The following RSRC1 variants were observed in gnomAD, a reference collection of about 807,000 sequenced individuals.
RSRC1 encodes the protein serine/Arginine-related protein 53.
In RSRC1, 39 loss-of-function variants were observed where a neutral mutation model predicts 49.1. The observed-to-expected ratio is 0.79, with a 90% CI of 0.61 to 1.04. The LOEUF is 1.04. Ranked by LOEUF, RSRC1 falls within the 50% of genes least tolerant of loss-of-function variation. The pLI, the probability that RSRC1 is intolerant of heterozygous loss-of-function variation, is 0.00. For missense variants in RSRC1, 388 were observed against 402.4 expected (o/e 0.96, Z 0.31); for synonymous variants, 143 against 130.8 (o/e 1.09, Z -0.63).
At chr3:158,394,323 G>GA (rs1051219788) in intron 6 of RSRC1, among the ~76,000 whole-genome samples, 18 of 151,356 alleles carry the variant, frequency 1.2e-4, no homozygotes, top group South Asian at 2.1e-4. Flanking sequence ...GCAAAAGAAA[G>GA]AAAAAAAAGG....
intron 4 of RSRC1, among the ~76,000 whole-genome samples, chr3:158,206,893 G>A (rs988775487): frequency 2.0e-5 from 3 of 152,102 alleles, no homozygotes; most frequent in African/African-American, 7.2e-5. Context: ...TAGCCTGGGC[G>A]ACAAAGTGAG....
intron 6 of RSRC1, among the ~76,000 whole-genome samples, chr3:158,406,367 A>C (rs2108315281): frequency 6.6e-6 from 1 of 152,248 alleles, no homozygotes; most frequent in East Asian, 1.9e-4. Context: ...TGGGAGTGTA[A>C]CTTTATATAA....
chr3:158,485,987 GAA>G (rs929700589), intron 7 of RSRC1, among the ~76,000 whole-genome samples: 1 of 152,060 alleles, frequency 6.6e-6, no homozygotes, highest in Admixed American at 6.6e-5. Context: ...AAATATGAAA[GAA>G]AAAATCATAA....
intron 6 of RSRC1, among the ~76,000 whole-genome samples, chr3:158,430,470 G>T (rs548428914): frequency 6.6e-6 from 1 of 151,898 alleles, no homozygotes; most frequent in Non-Finnish European, 1.5e-5. Flanking sequence ...TAAATTATTG[G>T]TTAAGGTGGG....
chr3:158,468,069 T>G (rs1355620266), intron 7 of RSRC1, among the ~76,000 whole-genome samples: 1 of 152,056 alleles, frequency 6.6e-6, no homozygotes, highest in Non-Finnish European at 1.5e-5. Context: ...GAGTCGCTGG[T>G]ACTACAGGTG....
At chr3:158,227,532 A>T (rs1287083894) in intron 4 of RSRC1, among the ~76,000 whole-genome samples, 1 of 152,026 alleles carries the variant, frequency 6.6e-6, no homozygotes, top group Non-Finnish European at 1.5e-5. Flanking sequence ...CACATGATAT[A>T]AAATGAATAA....
At chr3:158,393,326 A>C (rs1185631946) in intron 6 of RSRC1, among the ~76,000 whole-genome samples, 1 of 152,034 alleles carries the variant, frequency 6.6e-6, no homozygotes, top group Non-Finnish European at 1.5e-5. Context: ...TCAAAGCTGA[A>C]TTAACTGAAA....
At chr3:158,201,219 C>T (rs1721029744) in intron 3 of RSRC1, among the ~76,000 whole-genome samples, 1 of 152,072 alleles carries the variant, frequency 6.6e-6, no homozygotes, top group African/African-American at 2.4e-5. Context: ...AGGTCAGTAG[C>T]AATAATTTGT....
intron 1 of RSRC1, among the ~76,000 whole-genome samples, chr3:158,121,355 GAT>G (rs556236708): frequency 1.1e-3 from 172 of 152,014 alleles, no homozygotes; most frequent in African/African-American, 3.9e-3. Flanking sequence ...GTCTGTTATA[GAT>G]ATAATATCTA....
intron 4 of RSRC1, among the ~76,000 whole-genome samples, chr3:158,287,990 G>A (rs1015415295): frequency 1.3e-5 from 2 of 152,098 alleles, no homozygotes; most frequent in Non-Finnish European, 2.9e-5. Flanking sequence ...CTGTTTGGCC[G>A]GGGCATATGG....
intron 6 of RSRC1, among the ~76,000 whole-genome samples, chr3:158,379,435 C>T (rs978913280): frequency 2.0e-5 from 3 of 151,888 alleles, no homozygotes; most frequent in Admixed American, 1.3e-4. Context: ...CTCCTGACCT[C>T]GTGATCCGCC....
At chr3:158,465,264 A>C (rs1321960698) in intron 7 of RSRC1, among the ~76,000 whole-genome samples, 1 of 152,128 alleles carries the variant, frequency 6.6e-6, no homozygotes, top group Non-Finnish European at 1.5e-5. Context: ...CAGAATCTGG[A>C]CCAGAGCCAA....
intron 3 of RSRC1, among the ~76,000 whole-genome samples, chr3:158,186,083 G>A (rs1196313915): frequency 6.6e-6 from 1 of 151,532 alleles, no homozygotes; most frequent in Non-Finnish European, 1.5e-5. Context: ...AGAGCTATAA[G>A]GACTTAAATC....
intron 6 of RSRC1, among the ~76,000 whole-genome samples, chr3:158,364,918 TATA>T (rs1283687841): frequency 6.6e-6 from 1 of 151,294 alleles, no homozygotes; most frequent in Non-Finnish European, 1.5e-5. Flanking sequence ...GAATGGGAAT[TATA>T]ATAATGTGTA....
chr3:158,312,172 A>G (rs1578321908), intron 5 of RSRC1, among the ~76,000 whole-genome samples: 1 of 147,556 alleles, frequency 6.8e-6, no homozygotes, highest in African/African-American at 2.7e-5. Flanking sequence ...CTAACTTGAC[A>G]TGTGCAAAAG....
chr3:158,240,178 G>C (rs1413950361), intron 4 of RSRC1, among the ~76,000 whole-genome samples: 1 of 151,996 alleles, frequency 6.6e-6, no homozygotes, highest in Non-Finnish European at 1.5e-5. Context: ...GCCTATTACA[G>C]TTATTATTTT....
chr3:158,367,450 G>A (rs1005985324), intron 6 of RSRC1, among the ~76,000 whole-genome samples: 6 of 152,178 alleles, frequency 3.9e-5, no homozygotes, highest in Non-Finnish European at 7.3e-5. Context: ...ATTGATTTGA[G>A]TATGTTGAAC....
intron 5 of RSRC1, among the ~76,000 whole-genome samples, chr3:158,343,586 A>G (rs564989023): frequency 6.6e-6 from 1 of 152,338 alleles, no homozygotes; most frequent in South Asian, 2.1e-4. Context: ...TCAGAGAGCT[A>G]TACCAGAAAG....
chr3:158,189,647 A>C (rs1158785492), intron 3 of RSRC1, among the ~76,000 whole-genome samples: 1 of 151,882 alleles, frequency 6.6e-6, no homozygotes, highest in Non-Finnish European at 1.5e-5. Context: ...TTTAATACTT[A>C]AGATGTTCAT....
Sources: gnomAD v4.1 joint callset for allele counts (sites outside exome capture counted in the v4.1 genomes callset) on GRCh38, gnomAD v4.1.1 for gene constraint, MANE v1.5 for transcripts, NCBI Gene and HGNC (gene_info 2026-07-23, HGNC 2026-07-21) for gene names.